RUNX1T1: variants seen among roughly 807,000 people sequenced by gnomAD.
RUNX1T1 encodes the protein protein CBFA2T1.
RUNX1T1 carries 4 observed loss-of-function variants against 62.8 expected under a neutral mutation model. The observed-to-expected ratio is 0.06, with a 90% confidence interval of 0.03 to 0.15. The LOEUF (loss-of-function observed/expected upper bound fraction) is 0.15, where lower values mean the gene tolerates loss of function less well. Ranked by LOEUF, RUNX1T1 falls within the 10% of genes least tolerant of loss-of-function variation. The pLI is 1.00. For missense variants in RUNX1T1, 508 were observed against 754.3 expected, an observed-to-expected ratio of 0.67 and a Z score of 3.82; for synonymous variants, 291 against 286.0, an observed-to-expected ratio of 1.02 and a Z score of -0.18.
At chr8:91,959,768 A>G (rs900846833) in exon 11 of RUNX1T1, 4 of 244,416 alleles carry the variant, frequency 1.6e-5, no homozygotes, top group Non-Finnish European at 2.4e-5. Context: ...GCTGTATCCA[A>G]TGCTCATGCC....
exon 11 of RUNX1T1, chr8:91,959,484 GTGTGTATATATATA>G (rs1809993407): frequency 4.9e-5 from 8 of 163,434 alleles, no homozygotes; most frequent in African/African-American, 8.4e-5. Context: ...GCGTGTGTGT[GTGTGTATATATATA>G]TATATATATA....
intron 5 of RUNX1T1, among the ~76,000 whole-genome samples, chr8:92,002,637 T>C (rs1297517945): frequency 6.6e-6 from 1 of 152,260 alleles, no homozygotes; most frequent in African/African-American, 2.4e-5. Context: ...TGTCAGTTTT[T>C]CCCTCTTTTA....
At position 92,025,477 on chromosome 8, in the gene RUNX1T1, A is replaced by G. The variant is rs993694613; in HGVS notation, c.8-8114T>C. Reference sequence around the variant, plus strand: ...CATACTCACTGCATCCCTTTCCTTGAATACTCTTCACCCCATCACCGCCTA... The same window carrying G: ...CATACTCACTGCATCCCTTTCCTTGGATACTCTTCACCCCATCACCGCCTA... On this transcript the variant is annotated intron_variant, in intron 1 of 10. Transcript: ENST00000396218. Among the ~76,000 whole-genome samples, 7 of 152,102 alleles carry G rather than the reference A, an allele frequency of 4.6e-5. No individual in the cohort carries two copies. In the South Asian group the frequency reaches 6.2e-4, roughly 14 times the overall value.
At chr8:92,028,560 C>T (rs1825686683) in intron 1 of RUNX1T1, among the ~76,000 whole-genome samples, 1 of 152,184 alleles carries the variant, frequency 6.6e-6, no homozygotes, top group East Asian at 1.9e-4. Context: ...GAAGTCAATA[C>T]ACTTCAAATA....
intron 1 of RUNX1T1, among the ~76,000 whole-genome samples, chr8:92,049,165 T>G (rs1829865147): frequency 6.6e-6 from 1 of 152,202 alleles, no homozygotes; most frequent in South Asian, 2.1e-4. Flanking sequence ...ATATAAGGTG[T>G]GGACAGACAA....
chr8:92,064,245 C>T (rs987705409), upstream of RUNX1T1, among the ~76,000 whole-genome samples: 1 of 152,096 alleles, frequency 6.6e-6, no homozygotes, highest in African/African-American at 2.4e-5. Context: ...AAATACTGTA[C>T]CCAAGAAGGG....
intron 1 of RUNX1T1, among the ~76,000 whole-genome samples, chr8:92,093,110 C>T (rs1044426424): frequency 6.6e-6 from 1 of 152,164 alleles, no homozygotes; most frequent in Non-Finnish European, 1.5e-5. Flanking sequence ...ACATGGCTTT[C>T]ATCTCAACAG....
At chr8:92,004,994 G>A (rs1028620326) in intron 5 of RUNX1T1, 122 bp downstream of exon 6, 10 of 816,780 alleles carry the variant, frequency 1.2e-5, no homozygotes, top group Non-Finnish European at 1.9e-5. Context: ...TGGCCACAAT[G>A]GCTTATTGCT....
intron 5 of RUNX1T1, among the ~76,000 whole-genome samples, chr8:91,996,283 G>T (rs1248869988): frequency 1.3e-5 from 2 of 151,974 alleles, no homozygotes; most frequent in Non-Finnish European, 2.9e-5. Flanking sequence ...CTCACTGCAA[G>T]CTCCACCTCC....
intron 1 of RUNX1T1, among the ~76,000 whole-genome samples, chr8:92,029,596 G>A (rs551547074): frequency 6.6e-5 from 10 of 152,210 alleles, no homozygotes; most frequent in East Asian, 3.9e-4. Context: ...TGTGCTGTTC[G>A]TGTATAAAAT....
exon 6 of RUNX1T1, chr8:91,991,889 T>A (rs760298372): frequency 6.2e-7 from 1 of 1,613,766 alleles, no homozygotes; most frequent in Non-Finnish European, 8.5e-7. Context: ...TTTCTTTGGT[T>A]CTAAAGGGGG....
At chr8:91,992,482 G>A (rs545103443) in intron 5 of RUNX1T1, among the ~76,000 whole-genome samples, 3 of 152,294 alleles carry the variant, frequency 2.0e-5, no homozygotes, top group East Asian at 3.9e-4. Context: ...CAACAGGTAC[G>A]CTTGGCCAGT....
chr8:92,046,761 A>C (rs2130279671), intron 1 of RUNX1T1, among the ~76,000 whole-genome samples: 1 of 152,296 alleles, frequency 6.6e-6, no homozygotes, highest in South Asian at 2.1e-4. Flanking sequence ...AAGCACTAAA[A>C]CATAGCAGTC....
chr8:91,981,286 T>C (rs1228193509), intron 8 of RUNX1T1, among the ~76,000 whole-genome samples: 1 of 151,746 alleles, frequency 6.6e-6, no homozygotes, highest in Admixed American at 6.6e-5. Flanking sequence ...ATTCCATAAT[T>C]CAATCATATG....
intron 10 of RUNX1T1, among the ~76,000 whole-genome samples, chr8:91,968,890 G>C (rs1812196117): frequency 6.6e-6 from 1 of 152,076 alleles, no homozygotes; most frequent in Non-Finnish European, 1.5e-5. Flanking sequence ...TAAAATTGAA[G>C]CTTTTACAGG....
At chr8:92,095,006 T>C (rs1346982591) in intron 1 of RUNX1T1, 12 of 1,521,472 alleles carry the variant, frequency 7.9e-6, no homozygotes, top group African/African-American at 1.4e-5. Flanking sequence ...CAATTAAAGA[T>C]AAGGCCCTCC....
chr8:92,103,323 G>C (rs1808470744), upstream of RUNX1T1: 2 of 195,970 alleles, frequency 1.0e-5, no homozygotes, highest in Non-Finnish European at 1.1e-5. Flanking sequence ...TTATCTGCAG[G>C]GCGGCCGGGC....
intron 1 of RUNX1T1, among the ~76,000 whole-genome samples, chr8:92,040,859 CA>C (rs943979821): frequency 1.3e-5 from 2 of 151,396 alleles, no homozygotes; most frequent in Non-Finnish European, 2.9e-5. Flanking sequence ...GAGATATGAT[CA>C]AAAAAAATAA....
intron 1 of RUNX1T1, among the ~76,000 whole-genome samples, chr8:92,088,256 G>T (rs1466420557): frequency 3.3e-5 from 5 of 152,198 alleles, no homozygotes; most frequent in Non-Finnish European, 7.3e-5. Flanking sequence ...AATATCATCT[G>T]CTGTTCTTCC....
Sources: gnomAD v4.1 joint callset for allele counts (sites outside exome capture counted in the v4.1 genomes callset) on GRCh38, gnomAD v4.1.1 for gene constraint, MANE v1.5 for transcripts, NCBI Gene and HGNC (gene_info 2026-07-23, HGNC 2026-07-21) for gene names.